CLDN2: variants seen among roughly 807,000 people sequenced by gnomAD.
CLDN2 encodes the protein claudin 2, also known as claudin-2.
CLDN2 carries 1 observed loss-of-function variant against 8.2 expected under a neutral mutation model. The ratio of observed to expected loss-of-function variants is 0.12; its 90% CI spans 0.04 to 0.58. The LOEUF is 0.58. CLDN2 is among the 20% of genes least tolerant of loss of function. CLDN2 has a pLI of 0.90. For synonymous variants in CLDN2, 70 were observed against 70.2 expected (o/e 1.00, Z 0.01); for missense variants, 108 against 172.9 (o/e 0.62, Z 2.11).
chrX:106,929,277 A>T lies in CLDN2; in HGVS notation c.*356A>T. On this transcript the variant is annotated 3_prime_UTR_variant, in exon 2 of 2. Coordinates refer to ENST00000336803, the MANE Select transcript of CLDN2 (RefSeq NM_020384.4). ...CTCCATCCCCAAACCCACTAATCACATCCCACTGACTGACCCTCTGTGATC... is the reference window on the plus strand; with the variant it reads ...CTCCATCCCCAAACCCACTAATCACTTCCCACTGACTGACCCTCTGTGATC... 1 of 223,182 alleles carries T rather than the reference A, an allele frequency of 4.5e-6. No individual in the cohort carries two copies. The allele number at this position is 223,182 out of a possible 1,213,427, so 18.4% of individuals were successfully genotyped here. A position where few individuals can be genotyped will look rare whatever the true frequency, so the allele number is the denominator to read the frequency against.
At chrX:106,915,234 G>A (rs1933297755), upstream of CLDN2, among the ~76,000 whole-genome samples, 2 of 112,157 alleles carry the variant, frequency 1.8e-5, no homozygotes, top group African/African-American at 3.2e-5. Flanking sequence ...TTACACAGAT[G>A]TACCAGTTTA....
At chrX:106,903,392 A>G in intron 1 of CLDN2, 6 of 867,052 alleles carry the variant, frequency 6.9e-6, no homozygotes, top group Non-Finnish European at 9.4e-6. Context: ...GGTCTTATAA[A>G]TTATTCAGGG....
chrX:106,925,184 T>C (rs1361330381), intron 1 of CLDN2, among the ~76,000 whole-genome samples: 1 of 111,843 alleles, frequency 8.9e-6, no homozygotes, highest in Non-Finnish European at 1.9e-5. Context: ...CTGTGACGAC[T>C]AAATAAGTTA....
chrX:106,910,673 C>T (rs969880959), intron 1 of CLDN2, among the ~76,000 whole-genome samples: 1 of 108,559 alleles, frequency 9.2e-6, no homozygotes, highest in African/African-American at 3.4e-5. Flanking sequence ...GATTGCACCA[C>T]TACACTCCAG....
rs778068250 is a variant in CLDN2 at position 106,928,216 on chromosome X, T to C, written c.-13T>C. On this transcript the variant is annotated 5_prime_UTR_variant, in exon 2 of 2. Transcript: ENST00000336803. Reference sequence around the variant, plus strand: ...GAGCAGTCCCTGAAGACGCTTCTACTGAGAGGTCTGCCATGGCCTCTCTTG... The same window carrying C: ...GAGCAGTCCCTGAAGACGCTTCTACCGAGAGGTCTGCCATGGCCTCTCTTG... 81 of 1,187,930 alleles carry C rather than the reference T, an allele frequency of 6.8e-5. No individual in the cohort carries two copies. The highest frequency in any genetic ancestry group is 9.1e-5 in the Non-Finnish European group (80 of 878,112).
At chrX:106,926,163 C>T (rs915692570) in intron 1 of CLDN2, among the ~76,000 whole-genome samples, 5 of 111,808 alleles carry the variant, frequency 4.5e-5, no homozygotes, top group South Asian at 3.8e-4. Context: ...GATCACTTTC[C>T]GGATTTTGGT....
upstream of CLDN2, among the ~76,000 whole-genome samples, chrX:106,914,203 G>T (rs183327680): frequency 9.1e-6 from 1 of 109,644 alleles, no homozygotes; most frequent in African/African-American, 3.3e-5. Context: ...CACCCACCTC[G>T]GCCTCCCAAA....
At chrX:106,907,687 C>T (rs1370400284) in intron 1 of CLDN2, among the ~76,000 whole-genome samples, 5 of 101,580 alleles carry the variant, frequency 4.9e-5, no homozygotes, top group Admixed American at 2.2e-4. Context: ...GAAAACAGAG[C>T]GAGACTCCGT....
intron 1 of CLDN2, among the ~76,000 whole-genome samples, chrX:106,902,667 C>T (rs1933121136): frequency 8.9e-6 from 1 of 112,147 alleles, no homozygotes; most frequent in African/African-American, 3.2e-5. Flanking sequence ...CAGAAATGTT[C>T]CTGGGTCCAC....
chrX:106,902,048 G>A, intron 1 of CLDN2: 1 of 720,605 alleles, frequency 1.4e-6, no homozygotes, highest in East Asian at 3.5e-5. Context: ...CTGCACCTTT[G>A]GACTGAGGTC....
chrX:106,918,749 G>A (rs1022051327), upstream of CLDN2, among the ~76,000 whole-genome samples: 6 of 111,490 alleles, frequency 5.4e-5, no homozygotes, highest in African/African-American at 1.6e-4. Flanking sequence ...GGAATCCTTG[G>A]GAGGGAGTTG....
chrX:106,916,674 G>C (rs772124142), upstream of CLDN2, among the ~76,000 whole-genome samples: 6 of 111,522 alleles, frequency 5.4e-5, no homozygotes, highest in South Asian at 2.3e-3. Context: ...CTAACTCTGA[G>C]GTTTCTGGCT....
chrX:106,920,460 G>C lies in CLDN2; in HGVS notation c.-270G>C, dbSNP rs1933374997. 1 of 110,824 alleles carries C rather than the reference G, an allele frequency of 9.0e-6. No homozygotes were observed. Among genetic ancestry groups the C allele is most frequent in the African/African-American group, 3.3e-5 (1 of 30,427 alleles). 9.1% of individuals were successfully genotyped at this position (110,824 alleles called of 1,213,427 possible). On this transcript the variant is annotated 5_prime_UTR_variant, in exon 1 of 2. Coordinates refer to ENST00000336803, the MANE Select transcript of CLDN2 (RefSeq NM_020384.4). ...TAGAAATCCTTTATCACCTCAGCCC[G>C]TGGCCCCTTGTACTTCGCTCCCCTC... is the stretch of plus-strand genomic sequence containing the variant.
intron 1 of CLDN2, among the ~76,000 whole-genome samples, chrX:106,923,404 G>C (rs1602460995): frequency 8.9e-6 from 1 of 112,341 alleles, no homozygotes; most frequent in Non-Finnish European, 1.9e-5. Context: ...TGGAATTAGA[G>C]AGATCAATTT....
At chrX:106,902,281 A>G in intron 1 of CLDN2, 1 of 947,458 alleles carries the variant, frequency 1.1e-6, no homozygotes, top group Non-Finnish European at 1.5e-6. Context: ...CTGAGATAAC[A>G]AGAGACCTCC....
intron 1 of CLDN2, among the ~76,000 whole-genome samples, chrX:106,901,812 C>T (rs1469055548): frequency 3.6e-5 from 4 of 111,308 alleles, no homozygotes; most frequent in Non-Finnish European, 7.5e-5. Flanking sequence ...TCTACTGGAG[C>T]AGCAAAGATT....
chrX:106,921,736 C>T (rs1298737794), intron 1 of CLDN2, among the ~76,000 whole-genome samples: 1 of 112,208 alleles, frequency 8.9e-6, no homozygotes, highest in Non-Finnish European at 1.9e-5. Context: ...TCTCCTGCAG[C>T]TCCAATCTCC....
At chrX:106,912,602 G>C (rs1933260823) in intron 1 of CLDN2, among the ~76,000 whole-genome samples, 1 of 109,244 alleles carries the variant, frequency 9.2e-6, no homozygotes, top group Non-Finnish European at 1.9e-5. Context: ...TTTTAGCAGA[G>C]ACACAGTGTC....
intron 1 of CLDN2, among the ~76,000 whole-genome samples, chrX:106,910,677 A>T (rs1304286404): frequency 9.3e-6 from 1 of 107,892 alleles, no homozygotes; most frequent in Non-Finnish European, 1.9e-5. Flanking sequence ...GCACCACTAC[A>T]CTCCAGCCTG....
Sources: allele counts gnomAD v4.1 joint callset (sites outside exome capture counted in the v4.1 genomes callset), GRCh38; gene constraint gnomAD v4.1.1; transcripts MANE v1.5; gene names NCBI Gene and HGNC (gene_info 2026-07-23, HGNC 2026-07-21).